The following LTBP1 variants were observed in gnomAD, a reference collection of about 807,000 sequenced individuals.
LTBP1 encodes latent-transforming growth factor beta-binding protein 1.
LTBP1 carries 129 observed loss-of-function variants against 207.6 expected under a neutral mutation model. The observed-to-expected ratio is 0.62, with a 90% CI of 0.54 to 0.72. The LOEUF (loss-of-function observed/expected upper bound fraction) is 0.72. LTBP1 is among the 30% of genes least tolerant of loss of function. The pLI is 0.00. For missense variants in LTBP1, 2,281 were observed against 2,217.2 expected (o/e 1.03, Z -0.58); for synonymous variants, 963 against 833.7 (o/e 1.16, Z -2.67).
Position 33,386,867 on chromosome 2 carries a change from A to G in LTBP1, c.4712-2317A>G, listed in dbSNP as rs929734443. On this transcript the variant is annotated intron_variant, in intron 31 of 33. Transcript: ENST00000404816. Reference sequence around the variant, plus strand: ...TTTTTTTGAGACGGAGTCTCGCTCTATCACCCAGGCTGGAGTGCAGTGGTG... The same window carrying G: ...TTTTTTTGAGACGGAGTCTCGCTCTGTCACCCAGGCTGGAGTGCAGTGGTG... 2.0e-4 allele frequency among the ~76,000 whole-genome samples: 25 copies of G among 126,998 alleles called. No homozygotes were observed. The South Asian group carries it at 5.0e-3, about 25-fold the overall frequency. 83.3% of individuals were successfully genotyped at this position (126,998 alleles called of 152,430 possible). A position where few individuals can be genotyped will look rare whatever the true frequency, so the allele number is the denominator to read the frequency against.
chr2:33,233,491 A>G (rs2091897957), intron 9 of LTBP1, among the ~76,000 whole-genome samples: 1 of 152,178 alleles, frequency 6.6e-6, no homozygotes, highest in African/African-American at 2.4e-5. Flanking sequence ...ATTCTCATCT[A>G]GAGAATATTT....
chr2:33,164,208 G>A (rs1288702234), intron 5 of LTBP1, among the ~76,000 whole-genome samples: 1 of 151,708 alleles, frequency 6.6e-6, no homozygotes, highest in Admixed American at 6.6e-5. Flanking sequence ...AATTAGCTGG[G>A]TGTGGTGGTG....
At chr2:32,982,925 T>C (rs886080925) in intron 2 of LTBP1, among the ~76,000 whole-genome samples, 1 of 152,118 alleles carries the variant, frequency 6.6e-6, no homozygotes, top group African/African-American at 2.4e-5. Context: ...AAATGTGGGG[T>C]TGGAGCCCCC....
intron 4 of LTBP1, among the ~76,000 whole-genome samples, chr2:33,125,887 T>G (rs1021453019): frequency 1.3e-5 from 2 of 152,070 alleles, no homozygotes; most frequent in African/African-American, 4.8e-5. Flanking sequence ...AACATTACCT[T>G]AGAGTTTCTG....
chr2:32,998,609 A>C (rs1248441607), intron 2 of LTBP1, among the ~76,000 whole-genome samples: 1 of 150,830 alleles, frequency 6.6e-6, no homozygotes, highest in African/African-American at 2.4e-5. Flanking sequence ...TGAACTGCAA[A>C]ATTTCTATGT....
chr2:32,979,947 A>G (rs567343318), intron 2 of LTBP1, among the ~76,000 whole-genome samples: 15 of 152,058 alleles, frequency 9.9e-5, no homozygotes, highest in African/African-American at 2.9e-4. Context: ...TCTTTTTATA[A>G]TATTTGTCTT....
At position 33,382,074 on chromosome 2, in the gene LTBP1, CTTTTTTTTTTTTTTTTTTTTTT is replaced by C. The variant is rs70938398; in HGVS notation, c.4712-7093_4712-7072del. On this transcript the variant is annotated intron_variant, in intron 31 of 33. Coordinates refer to ENST00000404816, the MANE Select transcript of LTBP1 (RefSeq NM_206943.4). ...TACAGCAGTTAGCGCCCTACTGCTT[CTTTTTTTTTTTTTTTTTTTTTT>C]TTTTTTTTTTTTTTTTGAGACAGAG... Among the ~76,000 whole-genome samples the C allele has an allele frequency of 1.9e-3, 88 of 46,788 alleles. 2 individuals carry two copies. The highest frequency in any genetic ancestry group is 6.3e-3 in the African/African-American group (80 of 12,706). The allele number at this position is 46,788 out of a possible 152,430, so 30.7% of individuals were successfully genotyped here. A position where few individuals can be genotyped will look rare whatever the true frequency, so the allele number is the denominator to read the frequency against.
intron 3 of LTBP1, among the ~76,000 whole-genome samples, chr2:33,038,243 G>A (rs968924267): frequency 4.6e-5 from 7 of 152,158 alleles, no homozygotes; most frequent in Non-Finnish European, 7.3e-5. Flanking sequence ...GCTTGTTTTC[G>A]TGTTTACCCA....
At chr2:33,341,729 A>AAAAAAAAAAAT (rs745445793) in intron 24 of LTBP1, among the ~76,000 whole-genome samples, 1 of 93,636 alleles carries the variant, frequency 1.1e-5, no homozygotes, top group African/African-American at 5.1e-5. Context: ...AAAAAAAAAA[A>AAAAAAAAAAAT]ATATATATAT....
intron 3 of LTBP1, among the ~76,000 whole-genome samples, chr2:33,030,224 G>A (rs983257336): frequency 6.6e-6 from 1 of 152,144 alleles, no homozygotes; most frequent in Non-Finnish European, 1.5e-5. Context: ...TAGGAAGGAT[G>A]TTCTTAACTC....
chr2:33,052,109 T>C (rs1018211440), intron 3 of LTBP1, among the ~76,000 whole-genome samples: 1 of 152,328 alleles, frequency 6.6e-6, no homozygotes, highest in South Asian at 2.1e-4. Context: ...AGGACTTCGA[T>C]GTACTTTCCT....
chr2:33,277,917 C>A (rs1182554899), intron 18 of LTBP1, among the ~76,000 whole-genome samples: 1 of 150,428 alleles, frequency 6.6e-6, no homozygotes, highest in Admixed American at 6.6e-5. Flanking sequence ...GCAAGCTCCG[C>A]CTCCCGGGTT....
intron 5 of LTBP1, among the ~76,000 whole-genome samples, chr2:33,151,277 T>A (rs1466806448): frequency 6.6e-6 from 1 of 152,198 alleles, no homozygotes; most frequent in African/African-American, 2.4e-5. Context: ...AGAAGTGGAA[T>A]TTCTGGGTCA....
chr2:33,048,141 T>A (rs2076539345), intron 3 of LTBP1, among the ~76,000 whole-genome samples: 1 of 152,172 alleles, frequency 6.6e-6, no homozygotes, highest in Admixed American at 6.5e-5. Flanking sequence ...GATTCAGAGA[T>A]CTGTTGTAAG....
At chr2:33,190,009 A>G (rs1317366639) in intron 7 of LTBP1, among the ~76,000 whole-genome samples, 1 of 152,174 alleles carries the variant, frequency 6.6e-6, no homozygotes, top group Non-Finnish European at 1.5e-5. Flanking sequence ...CCTGGGTGAC[A>G]GGAGTGAGAC....
intron 22 of LTBP1, among the ~76,000 whole-genome samples, chr2:33,304,334 T>C (rs2094049347): frequency 6.6e-6 from 1 of 152,224 alleles, no homozygotes; most frequent in African/African-American, 2.4e-5. Flanking sequence ...CCCAGTGATA[T>C]TTAGCCATAA....
intron 5 of LTBP1, among the ~76,000 whole-genome samples, chr2:33,144,238 C>A (rs1344012994): frequency 1.3e-5 from 2 of 152,132 alleles, no homozygotes; most frequent in South Asian, 2.1e-4. Flanking sequence ...AGGACAATTT[C>A]TTTACCCCTT....
chr2:33,179,839 A>G (rs562755845), intron 5 of LTBP1, among the ~76,000 whole-genome samples: 12 of 152,162 alleles, frequency 7.9e-5, no homozygotes, highest in African/African-American at 2.4e-4. Context: ...GTTTTAATCT[A>G]TCATTTATAT....
intron 3 of LTBP1, among the ~76,000 whole-genome samples, chr2:33,032,710 TAATA>T (rs1324984744): frequency 1.3e-5 from 2 of 152,270 alleles, no homozygotes; most frequent in African/African-American, 2.4e-5. Context: ...TTGATACTAT[TAATA>T]AAGCAGTTTT....
Sources: allele counts gnomAD v4.1 joint callset (sites outside exome capture counted in the v4.1 genomes callset), GRCh38; gene constraint gnomAD v4.1.1; transcripts MANE v1.5; gene names NCBI Gene and HGNC (gene_info 2026-07-23, HGNC 2026-07-21).